Variants in PLEKHG4B observed in about 807,000 individuals in gnomAD.
The protein encoded by PLEKHG4B is pleckstrin homology domain-containing family G member 4B.
In PLEKHG4B, 111 loss-of-function variants were observed where a neutral mutation model predicts 121.3. The ratio of observed to expected loss-of-function variants is 0.92; its 90% CI spans 0.78 to 1.07. PLEKHG4B has a LOEUF of 1.07. PLEKHG4B is among the 50% of genes least tolerant of loss of function. The pLI is 0.00. For missense variants in PLEKHG4B, 1,831 were observed against 1,757.8 expected, an observed-to-expected ratio of 1.04 and a Z score of -0.74; for synonymous variants, 738 against 725.0, an observed-to-expected ratio of 1.02 and a Z score of -0.29.
rs1333173060 is a variant in PLEKHG4B at position 169,391 on chromosome 5, C to CATT, written c.3529_3531dup (p.Ile1177dup). ...AGATGATCGCCACAGAGAGGGAGTA[C>CATT]ATTCGGTGCTTAGGATACGTCATTG... is the stretch of plus-strand genomic sequence containing the variant. On this transcript the variant is annotated inframe_insertion, in exon 14 of 20. Transcript: ENST00000637938. 4 of 1,614,144 alleles carry CATT rather than the reference C, an allele frequency of 2.5e-6. No individual in the cohort carries two copies. Among genetic ancestry groups the CATT allele is most frequent in the Non-Finnish European group, 1.7e-6 (2 of 1,180,054 alleles).
chr5:169,383 A>G lies in PLEKHG4B; in HGVS notation c.3520A>G (p.Arg1174Gly). 2 of 1,614,042 alleles carry G rather than the reference A, an allele frequency of 1.2e-6. No homozygotes were observed. The highest frequency in any genetic ancestry group is 1.7e-6 in the Non-Finnish European group (2 of 1,180,024). ...HIMAEMIATEREYIRCLGYVI... is the reference protein window; with the variant it reads ...HIMAEMIATEGEYIRCLGYVI... ...CATGGCCGAGATGATCGCCACAGAG[A>G]GGGAGTACATTCGGTGCTTAGGATA... The change falls in exon 14 of 20, where the codon AGG becomes GGG. Residue 1174 changes from arginine to glycine, a missense_variant. Coordinates refer to ENST00000637938, the MANE Select transcript of PLEKHG4B (RefSeq NM_052909.5).
chr5:171,253 T>C lies in PLEKHG4B; in HGVS notation c.3859T>C (p.Ser1287Pro), dbSNP rs540248820. ...RELGDKMDLASYLLRPVQRVA... is the reference protein window; with the variant it reads ...RELGDKMDLAPYLLRPVQRVA... ...GCTAGGTGACAAAATGGACCTGGCCTCCTACCTGCTGCGGCCCGTGCAGCG... is the reference window on the plus strand; with the variant it reads ...GCTAGGTGACAAAATGGACCTGGCCCCCTACCTGCTGCGGCCCGTGCAGCG... Residue 1287 changes from serine to proline, a missense_variant, in exon 16 of 20, where the codon TCC becomes CCC. Coordinates refer to ENST00000637938, the MANE Select transcript of PLEKHG4B (RefSeq NM_052909.5). 3.2e-5 allele frequency: 51 copies of C among 1,608,850 alleles called. 1 individual carries two copies. In the South Asian group the frequency reaches 4.9e-4, roughly 15 times the overall value.
chr5:169,515 C>T lies in PLEKHG4B; in HGVS notation c.3652C>T (p.His1218Tyr). The change falls in exon 14 of 20, where the codon CAC (histidine) becomes TAC (tyrosine). Residue 1218 changes from histidine (H) to tyrosine (Y), a missense_variant. Physicochemically the swap from His to Tyr is moderately conservative, Grantham distance 83 (BLOSUM62 2). Coordinates refer to ENST00000637938, the MANE Select transcript of PLEKHG4B (RefSeq NM_052909.5). ...CAACTTGGAGAAGCTCCACGACTTC[C>T]ACCAGCAGCACTTCCTCCGGGAGCT... ...FGNLEKLHDFHQQHFLRELER... is the reference protein window; with the variant it reads ...FGNLEKLHDFYQQHFLRELER... 1 of 1,614,156 alleles carries T rather than the reference C, an allele frequency of 6.2e-7. No homozygotes were observed. The highest frequency in any genetic ancestry group is 8.5e-7 in the Non-Finnish European group (1 of 1,180,056).
Position 156,519 on chromosome 5 carries a change from G to A in PLEKHG4B, c.2349-254G>A, listed in dbSNP as rs1370660815. Among the ~76,000 whole-genome samples, 1 of 151,938 alleles carries A rather than the reference G, an allele frequency of 6.6e-6. No homozygotes were observed. The highest frequency in any genetic ancestry group is 2.4e-5 in the African/African-American group (1 of 41,386). On this transcript the variant is annotated intron_variant, in intron 10 of 19. Transcript: ENST00000637938. The surrounding 1 kb of genome is among the most constrained non-coding windows in gnomAD (Gnocchi z 4.4). ...CCAGCAGTCCCTGTCCATCTCAGCT[G>A]CACACAGCCAGTCCCGCCTAAGCTG...
At position 156,916 on chromosome 5, in the gene PLEKHG4B, G is replaced by A; in HGVS notation, c.2487+5G>A. 3 of 1,611,388 alleles carry A rather than the reference G, an allele frequency of 1.9e-6. No individual in the cohort carries two copies. Among genetic ancestry groups the A allele is most frequent in the Non-Finnish European group, 2.5e-6 (3 of 1,179,240 alleles). On this transcript the variant is annotated splice_donor_5th_base_variant and intron_variant, in intron 11 of 19. Coordinates refer to ENST00000637938, the MANE Select transcript of PLEKHG4B (RefSeq NM_052909.5). The surrounding 1 kb of genome is among the most constrained non-coding windows in gnomAD (Gnocchi z 4.4). ...CTCCTGGAAGGGAATGACCAGGTCA[G>A]AGCTGCAGGAGGAAGGCGGCCCGGT...
intron 18 of PLEKHG4B, 54 bp downstream of exon 18, chr5:174,152 A>T (rs6862729): frequency 4.5e-4 from 436 of 974,240 alleles, no homozygotes; most frequent in East Asian, 2.1e-3. Context: ...AGCTAGGGGC[A>T]GGGGTCGGGG....
rs758797904 is a variant in PLEKHG4B, at chr5:154,979, C to T, written c.2097C>T (p.Ile699=). ...GSFPYSHGDW[I]CFRQRLEHFA... is the part of the protein sequence containing the mutation. ...TTCCCTACAGCCATGGTGACTGGAT[C>T]TGCTTCCGTCAGGTAGGTTCAGCCT... The change falls in exon 8 of 20, where the codon ATC becomes ATT. Residue 699 remains isoleucine, a synonymous_variant. Transcript: ENST00000637938. 1.2e-6 allele frequency: 2 copies of T among 1,612,558 alleles called. No individual in the cohort carries two copies. The highest frequency in any genetic ancestry group is 4.5e-5 in the East Asian group (2 of 44,894).
intron 1 of PLEKHG4B, among the ~76,000 whole-genome samples, chr5:112,240 A>G (rs6555606): frequency 0.19 from 28,524 of 152,116 alleles, 3,774 homozygotes; most frequent in African/African-American, 0.37. Context: ...TGAGTCACGC[A>G]GTTTCCAGAA....
In PLEKHG4B at chr5:184,712, G is replaced by A. The variant is rs1194300854; in HGVS notation, c.*2389G>A. ...AGCTGCACTTTTTTTTTCTCTAAAC[G>A]GGAAATGGGTTAAAAGATGAGTGGC... On this transcript the variant is annotated 3_prime_UTR_variant, in exon 20 of 20. Transcript: ENST00000637938. The A allele has an allele frequency of 6.6e-6, 1 of 152,098 alleles. No individual in the cohort carries two copies. Among genetic ancestry groups the A allele is most frequent in the African/African-American group, 2.4e-5 (1 of 41,408 alleles). 9.4% of individuals were successfully genotyped at this position (152,098 alleles called of 1,614,324 possible).
rs892195031 is a variant in PLEKHG4B at position 163,001 on chromosome 5, C to A, written c.2929C>A (p.His977Asn). 3 of 1,566,096 alleles carry A rather than the reference C, an allele frequency of 1.9e-6. No individual in the cohort carries two copies. The highest frequency in any genetic ancestry group is 2.6e-6 in the Non-Finnish European group (3 of 1,155,432). The part of the protein sequence containing the change: ...LPPLAQSPPK[H>N]ERAQEAMRRH... ...GCCCCTTGCCCAGAGCCCCCCAAAG[C>A]ATGAGCGTGCCCAGGAGGCCATGAG... Residue 977 changes from histidine to asparagine, a missense_variant, in exon 13 of 20, where the codon CAT (histidine) becomes AAT (asparagine). By Grantham distance (68) the His-to-Asn change is moderately conservative (BLOSUM62 1). Coordinates refer to ENST00000637938, the MANE Select transcript of PLEKHG4B (RefSeq NM_052909.5).
intron 2 of PLEKHG4B, among the ~76,000 whole-genome samples, chr5:117,032 T>G (rs1734326760): frequency 6.6e-6 from 1 of 152,196 alleles, no homozygotes; most frequent in African/African-American, 2.4e-5. Context: ...TCTGTGAAGT[T>G]TCTTTTTCCT....
At position 140,699 on chromosome 5, in the gene PLEKHG4B, G is replaced by A. The variant is rs749014705; in HGVS notation, c.1460G>A (p.Gly487Asp). ...TPNCVPVEGP[G>D]CTKEEDVLAS... ...AACTGTGTCCCAGTAGAGGGTCCCG[G>A]CTGCACCAAAGAGGAAGGTAAATGC... is the stretch of plus-strand genomic sequence containing the variant. The change falls in exon 3 of 20, where the codon GGC (glycine) becomes GAC (aspartate). Residue 487 changes from glycine to aspartate, a missense_variant. Coordinates refer to ENST00000637938, the MANE Select transcript of PLEKHG4B (RefSeq NM_052909.5). 1.1e-5 allele frequency: 18 copies of A among 1,576,760 alleles called. No homozygotes were observed. Among genetic ancestry groups the A allele is most frequent in the Non-Finnish European group, 1.5e-5 (18 of 1,161,838 alleles).
chr5:134,563 C>T (rs1456762908), intron 2 of PLEKHG4B, among the ~76,000 whole-genome samples: 2 of 151,132 alleles, frequency 1.3e-5, no homozygotes, highest in Non-Finnish European at 3.0e-5. Flanking sequence ...GTCAGGAGTT[C>T]AAGACCAGCC....
intron 2 of PLEKHG4B, among the ~76,000 whole-genome samples, chr5:138,414 C>T (rs1735048371): frequency 6.6e-6 from 1 of 152,170 alleles, no homozygotes; most frequent in African/African-American, 2.4e-5. Flanking sequence ...GATGCTCATA[C>T]TCGATTTTAC....
chr5:156,908 C>T lies in PLEKHG4B; in HGVS notation c.2484C>T (p.Asp828=). The change falls in exon 11 of 20, where the codon GAC becomes GAT. Residue 828 remains aspartate (D), a synonymous_variant. Coordinates refer to ENST00000637938, the MANE Select transcript of PLEKHG4B (RefSeq NM_052909.5). The surrounding 1 kb of genome is among the most constrained non-coding windows in gnomAD (Gnocchi z 4.4). ...TGGCGTCACTCCTGGAAGGGAATGA[C>T]CAGGTCAGAGCTGCAGGAGGAAGGC... ...RELASLLEGN[D]QQSCQKGLQL... 1 of 1,611,752 alleles carries T rather than the reference C, an allele frequency of 6.2e-7. No homozygotes were observed. The highest frequency in any genetic ancestry group is 8.5e-7 in the Non-Finnish European group (1 of 1,179,382).
intron 13 of PLEKHG4B, among the ~76,000 whole-genome samples, chr5:168,354 C>G (rs1736420622): frequency 1.3e-5 from 2 of 152,194 alleles, no homozygotes. Flanking sequence ...GTCCTGCGCC[C>G]CCGGCCTTGC....
At chr5:108,386 C>T (rs1432504215) in intron 1 of PLEKHG4B, among the ~76,000 whole-genome samples, 2 of 152,246 alleles carry the variant, frequency 1.3e-5, no homozygotes, top group African/African-American at 2.4e-5. Context: ...GCCTTAGAAG[C>T]GTCTTCAGCA....
chr5:140,306 A>T lies in PLEKHG4B; in HGVS notation c.1067A>T (p.Tyr356Phe). The change falls in exon 3 of 20, where the codon TAC becomes TTC. Residue 356 changes from tyrosine (Y) to phenylalanine (F), a missense_variant. Coordinates refer to ENST00000637938, the MANE Select transcript of PLEKHG4B (RefSeq NM_052909.5). Reference protein sequence around the residue: ...VQPRRWFRESYMEALRNPMPL... With the variant: ...VQPRRWFRESFMEALRNPMPL... ...CCTAGACGCTGGTTCAGGGAGTCGT[A>T]CATGGAAGCCTTGCGGAACCCCATG... The T allele has an allele frequency of 6.7e-7, 1 of 1,497,544 alleles. No individual in the cohort carries two copies. The highest frequency in any genetic ancestry group is 8.9e-7 in the Non-Finnish European group (1 of 1,126,118). The allele number at this position is 1,497,544 out of a possible 1,614,324, so 92.8% of individuals were successfully genotyped here.
At position 96,663 on chromosome 5, in the gene PLEKHG4B, T is replaced by G. The variant is rs567582781; in HGVS notation, c.45+4387T>G. Among the ~76,000 whole-genome samples, 16 of 152,262 alleles carry G rather than the reference T, an allele frequency of 1.1e-4. No homozygotes were observed. The South Asian group carries it at 3.3e-3, about 32-fold the overall frequency. On this transcript the variant is annotated intron_variant, in intron 1 of 19. Coordinates refer to ENST00000637938, the MANE Select transcript of PLEKHG4B (RefSeq NM_052909.5). ...ACCACATTGGGCATAGGAGTGAATA[T>G]TCATGTGTCTGGAGGCTGGAGCATT...
Sources: gnomAD v4.1 joint callset for allele counts (sites outside exome capture counted in the v4.1 genomes callset) on GRCh38, gnomAD v4.1.1 for gene constraint, Gnocchi (gnomAD v3.1) non-coding constraint, MANE v1.5 for transcripts, NCBI Gene and HGNC (gene_info 2026-07-23, HGNC 2026-07-21) for gene names.